Variants in BMPR1B observed in about 807,000 individuals in gnomAD.
BMPR1B encodes the protein bone morphogenetic protein receptor type 1B.
A neutral mutation model predicts 59.1 loss-of-function variants in BMPR1B; 12 were observed. The observed-to-expected ratio is 0.20, with a 90% CI of 0.13 to 0.33. The LOEUF (loss-of-function observed/expected upper bound fraction) is 0.33. Among genes scored for constraint, BMPR1B ranks in the 10% least tolerant of loss-of-function variants. The probability of loss-of-function intolerance (pLI) is 1.00; values close to 1 mark genes in which losing one functional copy is unlikely to be tolerated. For missense variants in BMPR1B, 550 were observed against 610.9 expected (o/e 0.90, Z 1.05); for synonymous variants, 237 against 207.3 (o/e 1.14, Z -1.23).
chr4:94,922,323 A>ATG lies in BMPR1B; in HGVS notation c.-113+46423_-113+46424insTG, dbSNP rs757652512. ...GTAACATGTGGATACCTCTTGTGGGACGTGTGCGTGTGTGTATGAGAGAGA... is the reference window on the plus strand; with the variant it reads ...GTAACATGTGGATACCTCTTGTGGGATGCGTGTGCGTGTGTGTATGAGAGAGA... On this transcript the variant is annotated intron_variant, in intron 2 of 12. Transcript: ENST00000515059. Among the ~76,000 whole-genome samples the ATG allele has an allele frequency of 7.4e-3, 1,117 of 151,968 alleles. 15 individuals carry two copies. Among genetic ancestry groups the ATG allele is most frequent in the African/African-American group, 0.026 (1,072 of 41,440 alleles).
At chr4:94,906,618 G>T (rs1179758658) in intron 2 of BMPR1B, among the ~76,000 whole-genome samples, 1 of 151,842 alleles carries the variant, frequency 6.6e-6, no homozygotes, top group Non-Finnish European at 1.5e-5. Flanking sequence ...TAACAAACCA[G>T]CACGTTCTGC....
At position 94,792,558 on chromosome 4, in the gene BMPR1B, G is replaced by A. The variant is rs376152393; in HGVS notation, c.-183+34490G>A. ...GAAAAATGAGAATTATGTCCAAAAT[G>A]CCACAAAATAGGGCTTTAATCCGAA... On this transcript the variant is annotated intron_variant, in intron 1 of 12. Coordinates refer to ENST00000515059, the MANE Select transcript of BMPR1B (RefSeq NM_001203.3). 2.6e-5 allele frequency among the ~76,000 whole-genome samples: 4 copies of A among 152,112 alleles called. No individual in the cohort carries two copies. The East Asian group carries it at 7.7e-4, about 29-fold the overall frequency.
chr4:94,971,605 T>G (rs1275604650), intron 2 of BMPR1B, among the ~76,000 whole-genome samples: 4 of 152,048 alleles, frequency 2.6e-5, no homozygotes, highest in Non-Finnish European at 5.9e-5. Context: ...CTCTTACTGC[T>G]TATTTATTGA....
intron 1 of BMPR1B, among the ~76,000 whole-genome samples, chr4:94,837,140 C>T (rs1457381520): frequency 2.8e-5 from 4 of 145,392 alleles, no homozygotes; most frequent in African/African-American, 5.1e-5. Context: ...GTACCAGTAC[C>T]ATGCTGTTTT....
At chr4:94,896,311 G>A (rs1727583464) in intron 2 of BMPR1B, among the ~76,000 whole-genome samples, 2 of 151,968 alleles carry the variant, frequency 1.3e-5, no homozygotes, top group Admixed American at 1.3e-4. Flanking sequence ...ATCTAGGCTT[G>A]ATGATCAAAG....
At chr4:94,998,640 T>C (rs1263912450) in intron 3 of BMPR1B, among the ~76,000 whole-genome samples, 1 of 152,172 alleles carries the variant, frequency 6.6e-6, no homozygotes, top group Admixed American at 6.6e-5. Flanking sequence ...CCCAAAGTGC[T>C]GGGATTACAG....
chr4:95,028,381 A>G (rs1482771666), intron 3 of BMPR1B, among the ~76,000 whole-genome samples: 1 of 152,070 alleles, frequency 6.6e-6, no homozygotes, highest in African/African-American at 2.4e-5. Context: ...ATGTTCATGT[A>G]TTGTGGTGAT....
At chr4:95,042,305 G>A (rs1725714857) in intron 3 of BMPR1B, among the ~76,000 whole-genome samples, 1 of 152,212 alleles carries the variant, frequency 6.6e-6, no homozygotes, top group African/African-American at 2.4e-5. Flanking sequence ...TATTGATAAT[G>A]TACAAATTGA....
intron 2 of BMPR1B, among the ~76,000 whole-genome samples, chr4:94,968,814 G>A (rs544990701): frequency 2.6e-5 from 4 of 152,128 alleles, no homozygotes; most frequent in South Asian, 2.1e-4. Flanking sequence ...TGGTCTTTTT[G>A]TATAATACTC....
chr4:95,061,240 C>T (rs944386063), intron 3 of BMPR1B, among the ~76,000 whole-genome samples: 6 of 150,730 alleles, frequency 4.0e-5, no homozygotes, highest in Non-Finnish European at 8.9e-5. Context: ...TATACATAGG[C>T]AATACCCCAG....
chr4:94,897,941 C>CTTTTTTTTT (rs869186341), intron 2 of BMPR1B, among the ~76,000 whole-genome samples: 2 of 90,324 alleles, frequency 2.2e-5, no homozygotes, highest in Non-Finnish European at 2.2e-5. Context: ...AATTCTTTTC[C>CTTTTTTTTT]TTTTTTTTTT....
chr4:94,991,428 A>G (rs907260453), intron 2 of BMPR1B, among the ~76,000 whole-genome samples: 2 of 152,202 alleles, frequency 1.3e-5, no homozygotes, highest in Admixed American at 1.3e-4. Flanking sequence ...CTGTTATTGA[A>G]CCTATATTCT....
chr4:95,156,641 A>C lies in BMPR1B; in HGVS notation c.*1968A>C, dbSNP rs1380929468. On this transcript the variant is annotated 3_prime_UTR_variant, in exon 13 of 13. Transcript: ENST00000515059. Reference sequence around the variant, plus strand: ...TGTAACTAAGACAGAAGAATTTCGTAATCCTTGAAATTGAAAAAAAAAAAA... The same window carrying C: ...TGTAACTAAGACAGAAGAATTTCGTCATCCTTGAAATTGAAAAAAAAAAAA... 6.6e-6 allele frequency: 1 copy of C among 151,838 alleles called. No homozygotes were observed. The highest frequency in any genetic ancestry group is 1.5e-5 in the Non-Finnish European group (1 of 67,938). The allele number at this position is 151,838 out of a possible 1,614,324, so 9.4% of individuals were successfully genotyped here. A position where few individuals can be genotyped will look rare whatever the true frequency, so the allele number is the denominator to read the frequency against.
intron 10 of BMPR1B, 84 bp downstream of exon 10, chr4:95,131,596 T>G (rs1047899032): frequency 6.9e-7 from 1 of 1,457,754 alleles, no homozygotes; most frequent in Non-Finnish European, 9.5e-7. Context: ...CTAGGATATT[T>G]AGTAGAAGAG....
At chr4:95,068,712 T>A (rs954535527) in intron 3 of BMPR1B, among the ~76,000 whole-genome samples, 3 of 152,204 alleles carry the variant, frequency 2.0e-5, no homozygotes, top group African/African-American at 7.2e-5. Flanking sequence ...ACTAGATAAC[T>A]TATCCTTGAA....
At chr4:94,920,445 G>A (rs767870951) in intron 2 of BMPR1B, among the ~76,000 whole-genome samples, 8 of 152,130 alleles carry the variant, frequency 5.3e-5, no homozygotes, top group African/African-American at 1.7e-4. Context: ...GTTTTATGGG[G>A]GCTCCCCACA....
At chr4:95,073,116 A>C (rs1728442805) in intron 3 of BMPR1B, among the ~76,000 whole-genome samples, 1 of 152,176 alleles carries the variant, frequency 6.6e-6, no homozygotes. Context: ...GGGGGAAATC[A>C]TTGCTAGAAA....
chr4:95,115,118 C>T (rs1422969635), intron 5 of BMPR1B, among the ~76,000 whole-genome samples: 1 of 152,026 alleles, frequency 6.6e-6, no homozygotes, highest in Non-Finnish European at 1.5e-5. Flanking sequence ...GGATTTTTAC[C>T]CTAGGAACAA....
chr4:94,917,283 C>G (rs988882588), intron 2 of BMPR1B, among the ~76,000 whole-genome samples: 4 of 152,194 alleles, frequency 2.6e-5, no homozygotes, highest in African/African-American at 7.2e-5. Context: ...GGGGGCTGCT[C>G]TCCTCCAGAC....
Sources: allele counts gnomAD v4.1 joint callset (sites outside exome capture counted in the v4.1 genomes callset), GRCh38; gene constraint gnomAD v4.1.1; transcripts MANE v1.5; gene names NCBI Gene and HGNC (gene_info 2026-07-23, HGNC 2026-07-21).